Variants in EVX2 observed in about 807,000 individuals in gnomAD.
EVX2 encodes even-skipped homeobox 2.
EVX2 carries 10 observed loss-of-function variants against 19.2 expected under a neutral mutation model. The ratio of observed to expected loss-of-function variants is 0.52; its 90% CI spans 0.32 to 0.89. EVX2 has a LOEUF of 0.89. EVX2 is among the 40% of genes least tolerant of loss of function. EVX2 has a pLI of 0.03. For missense variants in EVX2, 710 were observed against 694.9 expected (o/e 1.02, Z -0.24); for synonymous variants, 354 against 328.4 (o/e 1.08, Z -0.84).
chr2:176,077,927 CT>C lies in EVX2; in HGVS notation c.*2179del, dbSNP rs1282291902. On this transcript the variant is annotated 3_prime_UTR_variant, in exon 3 of 3. Transcript: ENST00000308618. ...ATAATCAATATTTTACATAAGTAGT[CT>C]CATGTTTTTAAAAACAAAAACAAAA... The C allele has an allele frequency of 6.6e-6, 1 of 152,052 alleles. No individual in the cohort carries two copies. Among genetic ancestry groups the C allele is most frequent in the Non-Finnish European group, 1.5e-5 (1 of 67,968 alleles). The allele number at this position is 152,052 out of a possible 1,614,324, so 9.4% of individuals were successfully genotyped here.
In EVX2 at chr2:176,080,326, T is replaced by C. The variant is rs1689120068; in HGVS notation, c.1212A>G (p.Ala404=). 1.6e-6 allele frequency: 2 copies of C among 1,290,206 alleles called. No individual in the cohort carries two copies. Among genetic ancestry groups the C allele is most frequent in the Middle Eastern group, 2.9e-4 (1 of 3,394 alleles). The allele number at this position is 1,290,206 out of a possible 1,614,324, so 79.9% of individuals were successfully genotyped here. The part of the protein sequence containing the change: ...SSQSAAAAAA[A]AAAALGSRGG... ...CCCGGGAACCCAGGGCTGCGGCAGCTGCTGCCGCGGCTGCCGCCGCCGACT... is the reference window on the plus strand; with the variant it reads ...CCCGGGAACCCAGGGCTGCGGCAGCCGCTGCCGCGGCTGCCGCCGCCGACT... Residue 404 remains alanine, a synonymous_variant, in exon 3 of 3, where the codon GCA becomes GCG. Coordinates refer to ENST00000308618, the MANE Select transcript of EVX2 (RefSeq NM_001080458.2). The surrounding 1 kb of genome is among the most constrained non-coding windows in gnomAD (Gnocchi z 7.0).
Position 176,080,179 on chromosome 2 carries a change from G to C in EVX2, c.1359C>G (p.Tyr453Ter). The C allele has an allele frequency of 2.0e-6, 3 of 1,518,428 alleles. No homozygotes were observed. The highest frequency in any genetic ancestry group is 2.6e-6 in the Non-Finnish European group (3 of 1,137,064). 94.1% of individuals were successfully genotyped at this position (1,518,428 alleles called of 1,614,324 possible). ...CCGTCTTACTAAGCACCGCGGCCGA[G>C]TAGGGCAGGAAGCCGCTCTCGGAAC... The part of the protein sequence containing the change: ...APRSESGFLP[Y>*]SAAVLSKTAV... The change falls in exon 3 of 3, where the codon TAC becomes TAG. Residue 453 changes from tyrosine to a stop codon, truncating the protein, a stop_gained. Coordinates refer to ENST00000308618, the MANE Select transcript of EVX2 (RefSeq NM_001080458.2). LOFTEE classifies it high-confidence loss of function. The surrounding 1 kb of genome is among the most constrained non-coding windows in gnomAD (Gnocchi z 7.0).
In EVX2 at chr2:176,078,663, T is replaced by C. The variant is rs1460305041; in HGVS notation, c.*1444A>G. The C allele has an allele frequency of 6.6e-6, 1 of 152,230 alleles. No homozygotes were observed. Among genetic ancestry groups the C allele is most frequent in the Non-Finnish European group, 1.5e-5 (1 of 68,032 alleles). The allele number at this position is 152,230 out of a possible 1,614,324, so 9.4% of individuals were successfully genotyped here. A position where few individuals can be genotyped will look rare whatever the true frequency, so the allele number is the denominator to read the frequency against. ...AGATAACATTAAATAACATACATTC[T>C]ATGCACCAAGAACAATGTTTTATGT... On this transcript the variant is annotated 3_prime_UTR_variant, in exon 3 of 3. Coordinates refer to ENST00000308618, the MANE Select transcript of EVX2 (RefSeq NM_001080458.2).
chr2:176,083,537 C>T lies in EVX2; in HGVS notation c.240G>A (p.Gln80=). Residue 80 remains glutamine, a synonymous_variant, in exon 1 of 3, where the codon CAG becomes CAA. Transcript: ENST00000308618. This position sits in a 1 kb window ranked among gnomAD's most constrained non-coding sequence, Gnocchi z 4.4. ...AGACGGTGCTTTCGCTGCCCGTGTG[C>T]TGCAGGTTGAACAAAGTGTCTATTT... The part of the protein sequence containing the change: ...KFEIDTLFNL[Q]HTGSESTVSS... The T allele has an allele frequency of 3.7e-6, 6 of 1,614,196 alleles. No individual in the cohort carries two copies. Among genetic ancestry groups the T allele is most frequent in the Non-Finnish European group, 5.1e-6 (6 of 1,180,040 alleles).
At position 176,083,287 on chromosome 2, in the gene EVX2, G is replaced by C; in HGVS notation, c.427+63C>G. The C allele has an allele frequency of 6.7e-7, 1 of 1,490,866 alleles. No individual in the cohort carries two copies. The highest frequency in any genetic ancestry group is 1.3e-5 in the South Asian group (1 of 77,404). 92.4% of individuals were successfully genotyped at this position (1,490,866 alleles called of 1,614,324 possible). On this transcript the variant is annotated intron_variant, in intron 1 of 2. Coordinates refer to ENST00000308618, the MANE Select transcript of EVX2 (RefSeq NM_001080458.2). The surrounding 1 kb of genome is among the most constrained non-coding windows in gnomAD (Gnocchi z 4.4). ...GGGGAAAAGGCACCGGGAAAGGCTG[G>C]CGGGGGCCGCGGAGGAGCAAAGAGG...
chr2:176,080,005 A>G lies in EVX2; in HGVS notation c.*102T>C, dbSNP rs1689105591. ...GCGCCCCGGGGCGCCCCCTGGCGGC[A>G]GCGGCAGCAGCGGGCAACGCGCGGA... is the stretch of plus-strand genomic sequence containing the variant. On this transcript the variant is annotated 3_prime_UTR_variant, in exon 3 of 3. Transcript: ENST00000308618. This position sits in a 1 kb window ranked among gnomAD's most constrained non-coding sequence, Gnocchi z 7.0. 1.6e-6 allele frequency: 2 copies of G among 1,242,800 alleles called. No homozygotes were observed. The highest frequency in any genetic ancestry group is 4.1e-5 in the Admixed American group (1 of 24,174). The allele number at this position is 1,242,800 out of a possible 1,614,324, so 77.0% of individuals were successfully genotyped here. A position where few individuals can be genotyped will look rare whatever the true frequency, so the allele number is the denominator to read the frequency against.
Position 176,080,098 on chromosome 2 carries a change from G to A in EVX2, c.*9C>T. The A allele has an allele frequency of 2.0e-6, 3 of 1,525,416 alleles. No homozygotes were observed. Among genetic ancestry groups the A allele is most frequent in the Non-Finnish European group, 2.6e-6 (3 of 1,140,182 alleles). The allele number at this position is 1,525,416 out of a possible 1,614,324, so 94.5% of individuals were successfully genotyped here. A position where few individuals can be genotyped will look rare whatever the true frequency, so the allele number is the denominator to read the frequency against. On this transcript the variant is annotated 3_prime_UTR_variant, in exon 3 of 3. Transcript: ENST00000308618. The surrounding 1 kb of genome is among the most constrained non-coding windows in gnomAD (Gnocchi z 7.0). Reference sequence around the variant, plus strand: ...AGGCGGGCGCGGCCCCCTGGCGGTGGCGACGTAGTTATCTGGTGAGCGGAG... The same window carrying A: ...AGGCGGGCGCGGCCCCCTGGCGGTGACGACGTAGTTATCTGGTGAGCGGAG...
In EVX2 at chr2:176,080,091, G is replaced by A; in HGVS notation, c.*16C>T. The A allele has an allele frequency of 6.6e-7, 1 of 1,507,568 alleles. No homozygotes were observed. The highest frequency in any genetic ancestry group is 1.3e-5 in the South Asian group (1 of 77,614). The allele number at this position is 1,507,568 out of a possible 1,614,324, so 93.4% of individuals were successfully genotyped here. On this transcript the variant is annotated 3_prime_UTR_variant, in exon 3 of 3. Coordinates refer to ENST00000308618, the MANE Select transcript of EVX2 (RefSeq NM_001080458.2). The surrounding 1 kb of genome is among the most constrained non-coding windows in gnomAD (Gnocchi z 7.0). ...CTCAGAGAGGCGGGCGCGGCCCCCT[G>A]GCGGTGGCGACGTAGTTATCTGGTG...
rs1338701506 is a variant in EVX2 at position 176,081,754 on chromosome 2, A to G, written c.699+424T>C. Among the ~76,000 whole-genome samples the G allele has an allele frequency of 3.3e-5, 5 of 152,248 alleles. No homozygotes were observed. The East Asian group carries it at 9.6e-4, about 29-fold the overall frequency. ...AACCAATCGATTTTAAAGATACAGT[A>G]TCCTTTTCTCCGTGTAACGATTTAT... On this transcript the variant is annotated intron_variant, in intron 2 of 2. Coordinates refer to ENST00000308618, the MANE Select transcript of EVX2 (RefSeq NM_001080458.2). This position sits in a 1 kb window ranked among gnomAD's most constrained non-coding sequence, Gnocchi z 5.9.
rs146229022 is a variant in EVX2, at chr2:176,080,867, G to A, written c.700-29C>T. 45,732 of 1,589,838 alleles carry A rather than the reference G, an allele frequency of 0.029. 773 individuals carry two copies. The highest frequency in any genetic ancestry group is 0.033 in the Non-Finnish European group (38,266 of 1,169,768). On this transcript the variant is annotated intron_variant, in intron 2 of 2. Transcript: ENST00000308618. The surrounding 1 kb of genome is among the most constrained non-coding windows in gnomAD (Gnocchi z 7.0). ...CGGGGAGAGACGCGCCGCAGCCTGG[G>A]TTAGGGAGCGCCCCGTGTTCCCAGC...
chr2:176,082,514 C>G lies in EVX2; in HGVS notation c.428-65G>C. The G allele has an allele frequency of 6.8e-7, 1 of 1,480,194 alleles. No homozygotes were observed. The allele number at this position is 1,480,194 out of a possible 1,614,324, so 91.7% of individuals were successfully genotyped here. On this transcript the variant is annotated intron_variant, in intron 1 of 2. Coordinates refer to ENST00000308618, the MANE Select transcript of EVX2 (RefSeq NM_001080458.2). This position sits in a 1 kb window ranked among gnomAD's most constrained non-coding sequence, Gnocchi z 5.2. The stretch of plus-strand genomic sequence containing the variant: ...GACCAACAGCCCGGCGCTGGCGCTG[C>G]GCGCGGATCGGGGAAGCCCCGTCAG...
chr2:176,083,951 CCCATACAT>C lies in EVX2; in HGVS notation c.-183_-176del. 1.6e-6 allele frequency: 1 copy of C among 607,570 alleles called. No individual in the cohort carries two copies. The highest frequency in any genetic ancestry group is 2.1e-5 in the South Asian group (1 of 47,284). The allele number at this position is 607,570 out of a possible 1,614,324, so 37.6% of individuals were successfully genotyped here. A position where few individuals can be genotyped will look rare whatever the true frequency, so the allele number is the denominator to read the frequency against. On this transcript the variant is annotated 5_prime_UTR_variant, in exon 1 of 3. An upstream start codon of the reference 5' UTR is lost. Coordinates refer to ENST00000308618, the MANE Select transcript of EVX2 (RefSeq NM_001080458.2). The surrounding 1 kb of genome is among the most constrained non-coding windows in gnomAD (Gnocchi z 4.4). The stretch of plus-strand genomic sequence containing the variant: ...GCGAGGGAATGACTGGTCAAAATGA[CCCATACAT>C]CCTTCCGATCCCGAGATGTCATTCA...
Position 176,081,964 on chromosome 2 carries a change from A to T in EVX2, c.699+214T>A, listed in dbSNP as rs1401773929. On this transcript the variant is annotated intron_variant, in intron 2 of 2. Transcript: ENST00000308618. The surrounding 1 kb of genome is among the most constrained non-coding windows in gnomAD (Gnocchi z 5.9). The stretch of plus-strand genomic sequence containing the variant: ...GGCGAGTGCTTTCAGCATTGGAGTC[A>T]CCATTCGGGGGCCTTCTTAGATCCG... Among the ~76,000 whole-genome samples, 1 of 152,164 alleles carries T rather than the reference A, an allele frequency of 6.6e-6. No homozygotes were observed. The highest frequency in any genetic ancestry group is 1.9e-4 in the East Asian group (1 of 5,190).
chr2:176,083,878 T>C lies in EVX2; in HGVS notation c.-102A>G. 9.3e-7 allele frequency: 1 copy of C among 1,073,306 alleles called. No homozygotes were observed. Among genetic ancestry groups the C allele is most frequent in the South Asian group, 1.5e-5 (1 of 64,996 alleles). The allele number at this position is 1,073,306 out of a possible 1,614,324, so 66.5% of individuals were successfully genotyped here. ...TTCAGCCCCAGCGAACGCCTCTAAATATTATTATCGCTTTCGGAGGGAGGC... is the reference window on the plus strand; with the variant it reads ...TTCAGCCCCAGCGAACGCCTCTAAACATTATTATCGCTTTCGGAGGGAGGC... On this transcript the variant is annotated 5_prime_UTR_variant, in exon 1 of 3. In the 5' UTR this introduces an upstream ATG that the reference lacks. Transcript: ENST00000308618. The surrounding 1 kb of genome is among the most constrained non-coding windows in gnomAD (Gnocchi z 4.4).
Position 176,081,002 on chromosome 2 carries a change from G to C in EVX2, c.700-164C>G, listed in dbSNP as rs1260389382. Among the ~76,000 whole-genome samples the C allele has an allele frequency of 1.3e-5, 2 of 152,182 alleles. No individual in the cohort carries two copies. Among genetic ancestry groups the C allele is most frequent in the Admixed American group, 6.5e-5 (1 of 15,284 alleles). On this transcript the variant is annotated intron_variant, in intron 2 of 2. Coordinates refer to ENST00000308618, the MANE Select transcript of EVX2 (RefSeq NM_001080458.2). The surrounding 1 kb of genome is among the most constrained non-coding windows in gnomAD (Gnocchi z 5.9). ...GTGGTCTCCCAGCTGGGAAAGTGTG[G>C]ACGGCAGTGTGTGGACCGCCGTGGG... is the stretch of plus-strand genomic sequence containing the variant.
In EVX2 at chr2:176,080,988, G is replaced by A. The variant is rs1194851985; in HGVS notation, c.700-150C>T. On this transcript the variant is annotated intron_variant, in intron 2 of 2. Transcript: ENST00000308618. The surrounding 1 kb of genome is among the most constrained non-coding windows in gnomAD (Gnocchi z 7.0). ...ACCCCGAGTACCCTGTGGTCTCCCA[G>A]CTGGGAAAGTGTGGACGGCAGTGTG... 9.2e-7 allele frequency: 1 copy of A among 1,090,996 alleles called. No individual in the cohort carries two copies. The highest frequency in any genetic ancestry group is 1.3e-6 in the Non-Finnish European group (1 of 790,876). 67.6% of individuals were successfully genotyped at this position (1,090,996 alleles called of 1,614,324 possible). A position where few individuals can be genotyped will look rare whatever the true frequency, so the allele number is the denominator to read the frequency against.
rs1458250195 is a variant in EVX2 at position 176,082,427 on chromosome 2, A to G, written c.450T>C (p.Ala150=). 48 of 1,566,024 alleles carry G rather than the reference A, an allele frequency of 3.1e-5. No homozygotes were observed. The highest frequency in any genetic ancestry group is 4.0e-5 in the Non-Finnish European group (46 of 1,159,640). The change falls in exon 2 of 3, where the codon GCT becomes GCC. Residue 150 remains alanine (A), a synonymous_variant. Coordinates refer to ENST00000308618, the MANE Select transcript of EVX2 (RefSeq NM_001080458.2). This position sits in a 1 kb window ranked among gnomAD's most constrained non-coding sequence, Gnocchi z 5.2. ...CCGACGCCGACGTCGTGGTGCCGGCAGCCGAGCCGCTCTCTGCGTACCCTG... is the reference window on the plus strand; with the variant it reads ...CCGACGCCGACGTCGTGGTGCCGGCGGCCGAGCCGCTCTCTGCGTACCCTG... The part of the protein sequence containing the change: ...NGKGYAESGS[A]AGTTTSASGS...
rs1689140034 is a variant in EVX2 at position 176,081,010 on chromosome 2, T to C, written c.700-172A>G. Among the ~76,000 whole-genome samples the C allele has an allele frequency of 2.0e-5, 3 of 152,136 alleles. No individual in the cohort carries two copies. Among genetic ancestry groups the C allele is most frequent in the African/African-American group, 7.2e-5 (3 of 41,442 alleles). ...CCAGCTGGGAAAGTGTGGACGGCAG[T>C]GTGTGGACCGCCGTGGGCACACCGT... On this transcript the variant is annotated intron_variant, in intron 2 of 2. Transcript: ENST00000308618. The surrounding 1 kb of genome is among the most constrained non-coding windows in gnomAD (Gnocchi z 5.9).
Position 176,081,886 on chromosome 2 carries a change from C to A in EVX2, c.699+292G>T, listed in dbSNP as rs909127346. Among the ~76,000 whole-genome samples, 1 of 152,132 alleles carries A rather than the reference C, an allele frequency of 6.6e-6. No homozygotes were observed. The highest frequency in any genetic ancestry group is 1.5e-5 in the Non-Finnish European group (1 of 68,030). Reference sequence around the variant, plus strand: ...CTTGCCGCCTAGGGGAAAGTGGGGCCGTGGGTATGGGCGAGGGGGCATCTG... The same window carrying A: ...CTTGCCGCCTAGGGGAAAGTGGGGCAGTGGGTATGGGCGAGGGGGCATCTG... On this transcript the variant is annotated intron_variant, in intron 2 of 2. Coordinates refer to ENST00000308618, the MANE Select transcript of EVX2 (RefSeq NM_001080458.2). The surrounding 1 kb of genome is among the most constrained non-coding windows in gnomAD (Gnocchi z 5.9).
Sources: gnomAD v4.1 joint callset for allele counts (sites outside exome capture counted in the v4.1 genomes callset) on GRCh38, gnomAD v4.1.1 for gene constraint, Gnocchi (gnomAD v3.1) non-coding constraint, MANE v1.5 for transcripts, NCBI Gene and HGNC (gene_info 2026-07-23, HGNC 2026-07-21) for gene names.